Variants in CPNE4 observed in about 807,000 individuals in gnomAD.
CPNE4 encodes the protein copine 4.
Under a neutral mutation model 67.9 loss-of-function variants are expected in CPNE4, and 25 were observed. The ratio of observed to expected loss-of-function variants is 0.37; its 90% CI spans 0.27 to 0.51. The LOEUF is 0.51. Among genes scored for constraint, CPNE4 ranks in the 20% least tolerant of loss-of-function variants. The pLI, the probability that CPNE4 is intolerant of heterozygous loss-of-function variation, is 0.93. For missense variants in CPNE4, 464 were observed against 690.8 expected, an observed-to-expected ratio of 0.67 and a Z score of 3.68; for synonymous variants, 242 against 244.9, an observed-to-expected ratio of 0.99 and a Z score of 0.11.
At chr3:131,555,392 G>T in intron 12 of CPNE4, 105 bp downstream of exon 12, 1 of 950,480 alleles carries the variant, frequency 1.1e-6, no homozygotes, top group South Asian at 1.5e-5. Context: ...AGGCCCTACT[G>T]ACACAGTTAG....
intron 2 of CPNE4, among the ~76,000 whole-genome samples, chr3:131,860,906 T>C (rs890899574): frequency 3.9e-5 from 6 of 152,212 alleles, no homozygotes; most frequent in African/African-American, 1.4e-4. Flanking sequence ...AAAAAAGTGC[T>C]CTGTCCGACT....
chr3:131,708,957 G>GATATATAGATATATATATAT (rs2081484958), intron 3 of CPNE4, among the ~76,000 whole-genome samples: 2 of 65,800 alleles, frequency 3.0e-5, no homozygotes, highest in Admixed American at 1.9e-4. Context: ...AGGGCATAAA[G>GATATATAGATATATATATAT]ATATATATAT....
At chr3:131,811,870 T>C (rs1360878530) in intron 2 of CPNE4, among the ~76,000 whole-genome samples, 2 of 152,180 alleles carry the variant, frequency 1.3e-5, no homozygotes, top group Non-Finnish European at 2.9e-5. Context: ...ATAAATATCC[T>C]GGTTAGGAAA....
chr3:131,758,301 C>A (rs986981767), intron 2 of CPNE4, among the ~76,000 whole-genome samples: 1 of 152,184 alleles, frequency 6.6e-6, no homozygotes, highest in African/African-American at 2.4e-5. Context: ...CCACCTCTTG[C>A]ATCAACATGA....
At chr3:131,944,497 G>A (rs985291266) in intron 1 of CPNE4, among the ~76,000 whole-genome samples, 2 of 152,096 alleles carry the variant, frequency 1.3e-5, no homozygotes, top group Admixed American at 6.5e-5. Context: ...CACAACAGCA[G>A]TAGCAGCAGG....
intron 1 of CPNE4, among the ~76,000 whole-genome samples, chr3:131,914,849 G>A (rs1583448328): frequency 6.6e-6 from 1 of 152,146 alleles, no homozygotes; most frequent in African/African-American, 2.4e-5. Flanking sequence ...GGTGGTGCAT[G>A]CCTGTAATCC....
At chr3:131,757,677 G>A (rs2082784597) in intron 2 of CPNE4, among the ~76,000 whole-genome samples, 1 of 152,176 alleles carries the variant, frequency 6.6e-6, no homozygotes, top group African/African-American at 2.4e-5. Flanking sequence ...ACACCCTGGG[G>A]AAAATGTCTC....
At chr3:131,916,347 G>GAA (rs35520224) in intron 1 of CPNE4, among the ~76,000 whole-genome samples, 49 of 117,768 alleles carry the variant, frequency 4.2e-4, no homozygotes, top group Admixed American at 9.4e-4. Context: ...TTTCCAGTTA[G>GAA]AAAAAAAAAA....
rs1421019060 is a variant in CPNE4, at chr3:131,768,531, T to C, written c.181-44906A>G. 3.9e-5 allele frequency among the ~76,000 whole-genome samples: 6 copies of C among 152,144 alleles called. No individual in the cohort carries two copies. In the East Asian group the frequency reaches 1.2e-3, roughly 29 times the overall value. ...AGAAAGTGTAGTACTTAAAGGACTT[T>C]GAACTGGCTGAGATTTTGGCTAACA... On this transcript the variant is annotated intron_variant, in intron 2 of 15. Transcript: ENST00000429747.
At chr3:131,654,371 T>C (rs550595534) in intron 7 of CPNE4, among the ~76,000 whole-genome samples, 1 of 150,056 alleles carries the variant, frequency 6.7e-6, no homozygotes, top group Admixed American at 6.6e-5. Flanking sequence ...TAGTACCAAA[T>C]TTTTTTTTAA....
At chr3:131,586,489 G>T (rs186467607) in intron 8 of CPNE4, among the ~76,000 whole-genome samples, 5 of 152,280 alleles carry the variant, frequency 3.3e-5, no homozygotes, top group South Asian at 2.1e-4. Context: ...GCCAACTGAA[G>T]GGCAAGGGAG....
intron 7 of CPNE4, among the ~76,000 whole-genome samples, chr3:131,611,962 G>A (rs553961484): frequency 6.6e-6 from 1 of 152,130 alleles, no homozygotes; most frequent in African/African-American, 2.4e-5. Context: ...GTTTTGCAAA[G>A]CTTACAGTAA....
chr3:131,832,809 GTTGAGACTT>G (rs1287280918), intron 2 of CPNE4, among the ~76,000 whole-genome samples: 2 of 152,202 alleles, frequency 1.3e-5, no homozygotes, highest in African/African-American at 4.8e-5. Context: ...GCTGGAAAGA[GTTGAGACTT>G]TTGTGGCTGT....
chr3:131,655,997 C>G (rs929905458), intron 7 of CPNE4, among the ~76,000 whole-genome samples: 1 of 151,400 alleles, frequency 6.6e-6, no homozygotes, highest in African/African-American at 2.4e-5. Flanking sequence ...GATTTTAGGC[C>G]TCTTTCCCCT....
upstream of CPNE4, among the ~76,000 whole-genome samples, chr3:132,038,767 G>A (rs1368169810): frequency 1.3e-5 from 2 of 152,074 alleles, no homozygotes; most frequent in African/African-American, 4.8e-5. Context: ...TGGGCTTAAG[G>A]AATATTAGCA....
intron 2 of CPNE4, among the ~76,000 whole-genome samples, chr3:131,881,827 A>G (rs1441106136): frequency 3.3e-5 from 5 of 152,190 alleles, no homozygotes; most frequent in African/African-American, 1.2e-4. Flanking sequence ...AGCCTTCCGC[A>G]GTTGTGGTGA....
intron 7 of CPNE4, among the ~76,000 whole-genome samples, chr3:131,613,880 A>AT (rs757966573): frequency 3.3e-5 from 5 of 152,204 alleles, no homozygotes; most frequent in Non-Finnish European, 7.4e-5. Flanking sequence ...TCTACAAGAT[A>AT]TTTTTTTAAG....
rs2071590824 is a variant in CPNE4 at position 131,947,615 on chromosome 3, T to A, written c.-1-42171A>T. Among the ~76,000 whole-genome samples, 3 of 152,230 alleles carry A rather than the reference T, an allele frequency of 2.0e-5. No individual in the cohort carries two copies. The South Asian group carries it at 6.2e-4, about 32-fold the overall frequency. ...TATTCCTTGGTATATATGTGCCACA[T>A]TTTATTTATCCAGTCTATCATTGAT... On this transcript the variant is annotated intron_variant, in intron 1 of 15. Coordinates refer to ENST00000429747, the MANE Select transcript of CPNE4 (RefSeq NM_130808.3).
intron 5 of CPNE4, among the ~76,000 whole-genome samples, chr3:131,687,452 A>T (rs770279125): frequency 7.2e-5 from 11 of 152,162 alleles, no homozygotes; most frequent in Non-Finnish European, 1.3e-4. Context: ...CTGAGCAAAA[A>T]CCTTATTCAT....
Sources: allele counts gnomAD v4.1 joint callset (sites outside exome capture counted in the v4.1 genomes callset), GRCh38; gene constraint gnomAD v4.1.1; transcripts MANE v1.5; gene names NCBI Gene and HGNC (gene_info 2026-07-23, HGNC 2026-07-21).